MDN1: variants seen among roughly 807,000 people sequenced by gnomAD.
MDN1 encodes midasin AAA ATPase 1.
In MDN1, 266 loss-of-function variants were observed where a neutral mutation model predicts 669.2. The observed-to-expected ratio is 0.40, with a 90% CI of 0.36 to 0.44. MDN1 has a LOEUF of 0.44. Among genes scored for constraint, MDN1 ranks in the 20% least tolerant of loss-of-function variants. The pLI, the probability that MDN1 is intolerant of heterozygous loss-of-function variation, is 1.00. For synonymous variants in MDN1, 2,385 were observed against 2,457.1 expected, an observed-to-expected ratio of 0.97 and a Z score of 0.87; for missense variants, 5,940 against 6,754.0, an observed-to-expected ratio of 0.88 and a Z score of 4.22.
chr6:89,761,748 C>G lies in MDN1; in HGVS notation c.2357G>C (p.Gly786Ala). The G allele has an allele frequency of 6.3e-7, 1 of 1,591,740 alleles. No individual in the cohort carries two copies. Among genetic ancestry groups the G allele is most frequent in the Non-Finnish European group, 8.6e-7 (1 of 1,164,188 alleles). Residue 786 changes from glycine to alanine, a missense_variant and splice_region_variant, in exon 17 of 102, where the codon GGG (glycine) becomes GCG (alanine). Physicochemically the swap from Gly to Ala is moderately conservative, Grantham distance 60. Coordinates refer to ENST00000369393, the MANE Select transcript of MDN1 (RefSeq NM_014611.3). The part of the protein sequence containing the change: ...VNKDGKDSET[G>A]LLIKEKWEAF... ...TTCCCATTTCTCTTTTATGAGTAAC[C>G]CTAAAAAAGAAAGACAAGAATTCAG... is the stretch of plus-strand genomic sequence containing the variant.
intron 1 of MDN1, among the ~76,000 whole-genome samples, chr6:89,811,769 T>C (rs1037928007): frequency 2.6e-5 from 4 of 151,834 alleles, no homozygotes; most frequent in Admixed American, 1.3e-4. Context: ...AACCTGTGAT[T>C]ACTCCCATAA....
At chr6:89,702,321 A>G (rs919762591) in intron 53 of MDN1, among the ~76,000 whole-genome samples, 4 of 152,224 alleles carry the variant, frequency 2.6e-5, no homozygotes, top group African/African-American at 9.6e-5. Context: ...TATTAGAGAA[A>G]ATGGAATTGC....
At chr6:89,807,483 G>C (rs1768095639) in intron 1 of MDN1, among the ~76,000 whole-genome samples, 1 of 152,164 alleles carries the variant, frequency 6.6e-6, no homozygotes, top group South Asian at 2.1e-4. Context: ...TACAAGTAAA[G>C]TGTCTTTTTT....
intron 70 of MDN1, 119 bp downstream of exon 70, chr6:89,685,708 A>T (rs576178641): frequency 9.2e-7 from 1 of 1,092,174 alleles, no homozygotes; most frequent in African/African-American, 1.6e-5. Flanking sequence ...ATTAAACATA[A>T]CTAAATGTGT....
chr6:89,687,268 C>A, intron 68 of MDN1, 76 bp downstream of exon 68: 1 of 1,385,318 alleles, frequency 7.2e-7, no homozygotes, highest in Admixed American at 2.0e-5. Flanking sequence ...CTATATAAAT[C>A]CTAAAGAAAT....
In MDN1 at chr6:89,732,553, A is replaced by C. The variant is rs763693833; in HGVS notation, c.4942+4T>G. On this transcript the variant is annotated splice_donor_region_variant and intron_variant, in intron 34 of 101. Coordinates refer to ENST00000369393, the MANE Select transcript of MDN1 (RefSeq NM_014611.3). ...TTGTCCCCACCAGCTACCAGACAAC[A>C]TACCTGAACCTATTCCATCTATGTA... 9.3e-5 allele frequency: 150 copies of C among 1,613,902 alleles called. No homozygotes were observed. Among genetic ancestry groups the C allele is most frequent in the Middle Eastern group, 3.3e-4 (2 of 6,062 alleles).
At position 89,740,243 on chromosome 6, in the gene MDN1, T is replaced by C; in HGVS notation, c.4584A>G (p.Gly1528=). The change falls in exon 32 of 102, where the codon GGA becomes GGG. Residue 1528 remains glycine, a synonymous_variant. Transcript: ENST00000369393. Reference sequence around the variant, plus strand: ...ATCAGTAAAGTTTTACCTCCTTTTTTCCAAAGTCACCCCCAGGGTTCATGG... The same window carrying C: ...ATCAGTAAAGTTTTACCTCCTTTTTCCCAAAGTCACCCCCAGGGTTCATGG... ...LATMNPGGDF[G]KKELSPALRN... is the part of the protein sequence containing the mutation. 1 of 1,611,878 alleles carries C rather than the reference T, an allele frequency of 6.2e-7. No individual in the cohort carries two copies. Among genetic ancestry groups the C allele is most frequent in the Non-Finnish European group, 8.5e-7 (1 of 1,179,314 alleles).
At chr6:89,810,437 A>T (rs1768337510) in intron 1 of MDN1, among the ~76,000 whole-genome samples, 1 of 152,110 alleles carries the variant, frequency 6.6e-6, no homozygotes, top group Non-Finnish European at 1.5e-5. Context: ...CTCTGTCTCA[A>T]AAACACAAAA....
chr6:89,727,207 C>T (rs375988086), intron 37 of MDN1, among the ~76,000 whole-genome samples: 4 of 152,140 alleles, frequency 2.6e-5, no homozygotes, highest in Non-Finnish European at 4.4e-5. Flanking sequence ...GGAGTCTGAA[C>T]CTGGGGGACC....
intron 2 of MDN1, among the ~76,000 whole-genome samples, chr6:89,796,541 T>C (rs1051852836): frequency 2.6e-5 from 4 of 152,082 alleles, no homozygotes; most frequent in Non-Finnish European, 4.4e-5. Flanking sequence ...GAATTAACAC[T>C]AATCCTAATG....
chr6:89,690,773 C>T lies in MDN1; in HGVS notation c.10649G>A (p.Ser3550Asn). The change falls in exon 64 of 102, where the codon AGC (serine) becomes AAC (asparagine). Residue 3550 changes from serine (S) to asparagine (N), a missense_variant. Physicochemically the swap from Ser to Asn is conservative, Grantham distance 46. Transcript: ENST00000369393. ...CCTGCTCCTGTATCTATACAGGCCG[C>T]TTTCCTGCTCAGCCTTCTCTTGGGC... ...RIAQEKAEQE[S>N]GLYRYRSRNS... 1 of 1,614,180 alleles carries T rather than the reference C, an allele frequency of 6.2e-7. No individual in the cohort carries two copies. Among genetic ancestry groups the T allele is most frequent in the Non-Finnish European group, 8.5e-7 (1 of 1,180,020 alleles).
chr6:89,644,728 C>T (rs1430493818), intron 101 of MDN1, among the ~76,000 whole-genome samples: 3 of 152,232 alleles, frequency 2.0e-5, no homozygotes, highest in Admixed American at 6.5e-5. Flanking sequence ...TGATGACCCA[C>T]AGAGGATGGT....
At chr6:89,816,188 T>C (rs1244680694) in intron 1 of MDN1, among the ~76,000 whole-genome samples, 1 of 151,804 alleles carries the variant, frequency 6.6e-6, no homozygotes, top group Non-Finnish European at 1.5e-5. Flanking sequence ...TCACCTGAGG[T>C]CAGGAGTTCG....
chr6:89,796,706 G>A (rs1389531747), intron 2 of MDN1, among the ~76,000 whole-genome samples: 1 of 152,120 alleles, frequency 6.6e-6, no homozygotes, highest in South Asian at 2.1e-4. Flanking sequence ...TTTGCTGTGA[G>A]CCTAAAATGG....
chr6:89,777,045 T>G (rs1476438832), intron 11 of MDN1, among the ~76,000 whole-genome samples: 1 of 152,144 alleles, frequency 6.6e-6, no homozygotes, highest in African/African-American at 2.4e-5. Context: ...AGTGCTGAGG[T>G]AATATCAAAA....
At chr6:89,760,666 A>T (rs72917989) in intron 17 of MDN1, among the ~76,000 whole-genome samples, 15,198 of 152,222 alleles carry the variant, frequency 0.1, 979 homozygotes, top group South Asian at 0.16. Flanking sequence ...TTGGCTTGAA[A>T]AAAGAAATAA....
intron 76 of MDN1, 36 bp from the exon 77 acceptor site, chr6:89,676,243 A>T: frequency 6.3e-7 from 1 of 1,579,104 alleles, no homozygotes; most frequent in Non-Finnish European, 8.7e-7. Flanking sequence ...CTTAATTAAA[A>T]CCACGCTCTC....
chr6:89,746,706 A>T (rs1289865368), intron 27 of MDN1, among the ~76,000 whole-genome samples: 2 of 152,102 alleles, frequency 1.3e-5, no homozygotes, highest in Non-Finnish European at 2.9e-5. Flanking sequence ...GTAGAGAAAA[A>T]ATCTCTTGTA....
chr6:89,664,867 A>T (rs997181968), intron 84 of MDN1, among the ~76,000 whole-genome samples: 1 of 152,234 alleles, frequency 6.6e-6, no homozygotes, highest in East Asian at 1.9e-4. Flanking sequence ...AAATAGTCCC[A>T]GAGACATTTG....
Sources: allele counts gnomAD v4.1 joint callset (sites outside exome capture counted in the v4.1 genomes callset), GRCh38; gene constraint gnomAD v4.1.1; transcripts MANE v1.5; gene names NCBI Gene and HGNC (gene_info 2026-07-23, HGNC 2026-07-21).